Variants in ITCH observed in about 807,000 individuals in gnomAD.
ITCH encodes itchy E3 ubiquitin protein ligase.
A neutral mutation model predicts 126.8 loss-of-function variants in ITCH; 28 were observed. That is an observed-to-expected ratio of 0.22 (90% confidence interval 0.16 to 0.30). The LOEUF (loss-of-function observed/expected upper bound fraction) is 0.30. Among genes scored for constraint, ITCH ranks in the 10% least tolerant of loss-of-function variants. ITCH has a pLI of 1.00. For missense variants in ITCH, 631 were observed against 1,032.4 expected, an observed-to-expected ratio of 0.61 and a Z score of 5.33; for synonymous variants, 342 against 340.0, an observed-to-expected ratio of 1.01 and a Z score of -0.06.
At chr20:34,373,984 A>G (rs1045645781) in intron 2 of ITCH, among the ~76,000 whole-genome samples, 3 of 152,058 alleles carry the variant, frequency 2.0e-5, no homozygotes, top group Admixed American at 6.6e-5. Flanking sequence ...TCCCAGGTTA[A>G]AGCGATTCCC....
chr20:34,480,408 G>C (rs997268527), intron 18 of ITCH, among the ~76,000 whole-genome samples, 191 bp from the exon 19 acceptor site: 1 of 151,782 alleles, frequency 6.6e-6, no homozygotes, highest in Non-Finnish European at 1.5e-5. Context: ...CTCCATGTTG[G>C]TCAGTCTGGT....
intron 2 of ITCH, among the ~76,000 whole-genome samples, chr20:34,378,873 T>A (rs1464571467): frequency 1.3e-5 from 2 of 152,184 alleles, no homozygotes; most frequent in African/African-American, 4.8e-5. Context: ...TCTAAAAATA[T>A]GGAACACTTG....
chr20:34,487,706 A>G (rs1989225596), intron 20 of ITCH, among the ~76,000 whole-genome samples: 1 of 152,122 alleles, frequency 6.6e-6, no homozygotes, highest in Admixed American at 6.5e-5. Flanking sequence ...TGGGAGGCTG[A>G]GGTGGGCAGA....
Position 34,488,785 on chromosome 20 carries a change from C to T in ITCH, c.2094-481C>T, listed in dbSNP as rs79633807. On this transcript the variant is annotated intron_variant, in intron 20 of 24. Coordinates refer to ENST00000374864, the MANE Select transcript of ITCH (RefSeq NM_031483.7). ...GGCAATGGTGGCACACGCTTGTAATCGTAGCACTTTGGATGGCGGAGGCAG... is the reference window on the plus strand; with the variant it reads ...GGCAATGGTGGCACACGCTTGTAATTGTAGCACTTTGGATGGCGGAGGCAG... 1.6e-4 allele frequency among the ~76,000 whole-genome samples: 25 copies of T among 152,268 alleles called. No homozygotes were observed. The Middle Eastern group carries it at 0.01, about 62-fold the overall frequency.
At chr20:34,382,803 G>C (rs1308063087) in intron 2 of ITCH, among the ~76,000 whole-genome samples, 7 of 151,346 alleles carry the variant, frequency 4.6e-5, no homozygotes, top group African/African-American at 1.7e-4. Context: ...GAGTGCACTG[G>C]CATGATCTCT....
chr20:34,458,590 G>A lies in ITCH; in HGVS notation c.1295+1116G>A, dbSNP rs1021042903. Among the ~76,000 whole-genome samples the A allele has an allele frequency of 1.7e-4, 26 of 152,308 alleles. No homozygotes were observed. The East Asian group carries it at 5.0e-3, about 29-fold the overall frequency. Reference sequence around the variant, plus strand: ...ATAGAAATGTATGTCTCAGGGTTCTGGAGGCTAGAAGCTTGAGATCACGAT... The same window carrying A: ...ATAGAAATGTATGTCTCAGGGTTCTAGAGGCTAGAAGCTTGAGATCACGAT... On this transcript the variant is annotated intron_variant, in intron 13 of 24. Transcript: ENST00000374864.
Position 34,508,588 on chromosome 20 carries a change from A to C in ITCH, c.*794A>C, listed in dbSNP as rs1267349445. ...CACTCTGGGAGGCCGAGGCAGGAGG[A>C]TCCCTTTAGCCCAGGAGTTAAAGAC... On this transcript the variant is annotated 3_prime_UTR_variant, in exon 25 of 25. Coordinates refer to ENST00000374864, the MANE Select transcript of ITCH (RefSeq NM_031483.7). The C allele has an allele frequency of 6.6e-6, 1 of 152,244 alleles. No individual in the cohort carries two copies. The highest frequency in any genetic ancestry group is 1.5e-5 in the Non-Finnish European group (1 of 68,116). 9.4% of individuals were successfully genotyped at this position (152,244 alleles called of 1,614,324 possible). A position where few individuals can be genotyped will look rare whatever the true frequency, so the allele number is the denominator to read the frequency against.
intron 3 of ITCH, among the ~76,000 whole-genome samples, chr20:34,404,019 A>G (rs2038970383): frequency 6.6e-6 from 1 of 152,158 alleles, no homozygotes; most frequent in African/African-American, 2.4e-5. Context: ...TCAGGCAATA[A>G]AGAATCATTT....
chr20:34,415,329 C>T (rs139916264), intron 6 of ITCH, among the ~76,000 whole-genome samples: 1 of 151,822 alleles, frequency 6.6e-6, no homozygotes, highest in South Asian at 2.1e-4. Flanking sequence ...GAGGCTGAGG[C>T]AGGAGGGTTA....
chr20:34,395,968 A>G (rs2038658753), intron 3 of ITCH, among the ~76,000 whole-genome samples: 1 of 151,840 alleles, frequency 6.6e-6, no homozygotes, highest in South Asian at 2.1e-4. Flanking sequence ...CTAAGAGTGA[A>G]ATTCCTAGGT....
chr20:34,442,405 C>G lies in ITCH; in HGVS notation c.965+102C>G, dbSNP rs545932420. On this transcript the variant is annotated intron_variant, in intron 10 of 24. Coordinates refer to ENST00000374864, the MANE Select transcript of ITCH (RefSeq NM_031483.7). ...TTCTGTTTTACTTTTTCTTGTCAGC[C>G]CTTTCTCTGTCCACTTTGTTTTGTG... 51 of 841,490 alleles carry G rather than the reference C, an allele frequency of 6.1e-5. No homozygotes were observed. In the African/African-American group the frequency reaches 8.1e-4, roughly 13 times the overall value. The allele number at this position is 841,490 out of a possible 1,614,324, so 52.1% of individuals were successfully genotyped here. A position where few individuals can be genotyped will look rare whatever the true frequency, so the allele number is the denominator to read the frequency against.
chr20:34,434,020 A>G (rs1241659394), intron 7 of ITCH, among the ~76,000 whole-genome samples: 5 of 152,198 alleles, frequency 3.3e-5, no homozygotes, highest in Admixed American at 3.3e-4. Context: ...TCATGCCTAT[A>G]ATCACAGCAC....
At chr20:34,476,228 C>T (rs1988204333) in intron 16 of ITCH, 1 of 807,434 alleles carries the variant, frequency 1.2e-6, no homozygotes, top group Non-Finnish European at 2.3e-6. Context: ...CCAACTTTTC[C>T]TTTGGTTGTT....
intron 2 of ITCH, among the ~76,000 whole-genome samples, chr20:34,391,222 A>G (rs993263533): frequency 1.3e-5 from 2 of 152,200 alleles, no homozygotes; most frequent in African/African-American, 4.8e-5. Context: ...CTATTTTTAG[A>G]ACTTCAAACA....
Position 34,438,592 on chromosome 20 carries a change from A to G in ITCH, c.640A>G (p.Arg214Gly), listed in dbSNP as rs1268272734. 1.3e-5 allele frequency: 21 copies of G among 1,614,002 alleles called. No homozygotes were observed. The highest frequency in any genetic ancestry group is 6.7e-5 in the East Asian group (3 of 44,894). Residue 214 changes from arginine (R) to glycine (G), a missense_variant, in exon 8 of 25, where the codon AGA becomes GGA. Coordinates refer to ENST00000374864, the MANE Select transcript of ITCH (RefSeq NM_031483.7). Reference protein sequence around the residue: ...NGGFKPSRPPRPSRPPPPTPR... With the variant: ...NGGFKPSRPPGPSRPPPPTPR... ...TGGTTTTAAACCTTCTAGACCTCCA[A>G]GACCTTCACGACCACCACCACCCAC...
At chr20:34,424,427 C>T in intron 6 of ITCH, 53 bp from the exon 7 acceptor site, 1 of 1,415,528 alleles carries the variant, frequency 7.1e-7, no homozygotes, top group Non-Finnish European at 1.0e-6. Context: ...AAAGAAAAAA[C>T]ATGAAAACTA....
chr20:34,364,837 G>T (rs1485185832), intron 1 of ITCH, among the ~76,000 whole-genome samples: 2 of 145,600 alleles, frequency 1.4e-5, no homozygotes, highest in Admixed American at 7.0e-5. Context: ...GCTGCAGTGA[G>T]CCGAGATCTC....
intron 12 of ITCH, among the ~76,000 whole-genome samples, chr20:34,456,839 C>T (rs1986053332): frequency 6.6e-6 from 1 of 151,470 alleles, no homozygotes; most frequent in African/African-American, 2.4e-5. Flanking sequence ...GCCTTGGCCT[C>T]CCAAAGTGCT....
chr20:34,480,431 A>C (rs1455097206), intron 18 of ITCH, among the ~76,000 whole-genome samples, 168 bp from the exon 19 acceptor site: 1 of 151,710 alleles, frequency 6.6e-6, no homozygotes, highest in Non-Finnish European at 1.5e-5. Flanking sequence ...CGAACTCCTG[A>C]CCTCAGGTGA....
Sources: gnomAD v4.1 joint callset for allele counts (sites outside exome capture counted in the v4.1 genomes callset) on GRCh38, gnomAD v4.1.1 for gene constraint, MANE v1.5 for transcripts, NCBI Gene and HGNC (gene_info 2026-07-23, HGNC 2026-07-21) for gene names.